Variants in NHEJ1 observed in about 807,000 individuals in gnomAD.
NHEJ1 encodes the protein non-homologous end joining factor 1, also known as non-homologous end-joining factor 1.
Under a neutral mutation model 39.4 loss-of-function variants are expected in NHEJ1, and 22 were observed. That is an observed-to-expected ratio of 0.56 (90% CI 0.40 to 0.80). The LOEUF is 0.80. NHEJ1 is among the 30% of genes least tolerant of loss of function. NHEJ1 has a pLI of 0.00. For synonymous variants in NHEJ1, 154 were observed against 135.6 expected (o/e 1.14, Z -0.94); for missense variants, 329 against 357.1 (o/e 0.92, Z 0.63).
chr2:219,157,989 TCTCACACACACACACACA>T (rs1407678067), intron 2 of NHEJ1, among the ~76,000 whole-genome samples, 179 bp downstream of exon 2: 6 of 119,152 alleles, frequency 5.0e-5, no homozygotes, highest in South Asian at 2.8e-4. Flanking sequence ...TCTCTCTCTC[TCTCACACACACACACACA>T]CACACACACA....
chr2:219,112,672 C>G (rs931945348), intron 5 of NHEJ1, among the ~76,000 whole-genome samples: 1 of 152,160 alleles, frequency 6.6e-6, no homozygotes, highest in East Asian at 1.9e-4. Context: ...AGAAAGGACT[C>G]ATCAATACTA....
intron 5 of NHEJ1, among the ~76,000 whole-genome samples, chr2:219,138,695 A>G (rs1949661561): frequency 6.6e-6 from 1 of 152,216 alleles, no homozygotes; most frequent in African/African-American, 2.4e-5. Context: ...TTATGGCAAT[A>G]TGTTGGAAAC....
chr2:219,078,110 C>G lies in NHEJ1; in HGVS notation c.685G>C (p.Gly229Arg). 1 of 1,614,058 alleles carries G rather than the reference C, an allele frequency of 6.2e-7. No individual in the cohort carries two copies. The highest frequency in any genetic ancestry group is 1.1e-5 in the South Asian group (1 of 91,076). ...TCACCAGCGCCTTGATGCTTCTGTC[C>G]CACTTGGACCTCTTGTGTGGTGACT... ...MAVTTQEVQV[G>R]QKHQGAGDPH... Residue 229 changes from glycine (G) to arginine (R), a missense_variant, in exon 6 of 8, where the codon GGA (glycine) becomes CGA (arginine). Gly to Arg is a moderately radical substitution (Grantham distance 125, BLOSUM62 -2). Transcript: ENST00000356853.
At chr2:219,084,510 C>A (rs1949095070) in intron 5 of NHEJ1, among the ~76,000 whole-genome samples, 3 of 152,198 alleles carry the variant, frequency 2.0e-5, no homozygotes, top group Admixed American at 6.5e-5. Flanking sequence ...ACCACACTAG[C>A]CAACTCCTCG....
At chr2:219,110,722 T>C (rs959987915) in intron 5 of NHEJ1, among the ~76,000 whole-genome samples, 2 of 151,960 alleles carry the variant, frequency 1.3e-5, no homozygotes, top group African/African-American at 4.8e-5. Flanking sequence ...GAATGAATCA[T>C]GCAGATATCT....
chr2:219,074,933 A>G lies in NHEJ1; in HGVS notation c.*1448T>C, dbSNP rs533345655. Among the ~76,000 whole-genome samples, 2 of 150,880 alleles carry G rather than the reference A, an allele frequency of 1.3e-5. No individual in the cohort carries two copies. Among genetic ancestry groups the G allele is most frequent in the Admixed American group, 1.3e-4 (2 of 15,170 alleles). The stretch of plus-strand genomic sequence containing the variant: ...GGAGATCTCAGACTCTGCTAGCAGG[A>G]AAAAGCATGAGGGTAAGTCCTGGAG... On this transcript the variant is annotated 3_prime_UTR_variant, in exon 8 of 8. Transcript: ENST00000356853.
At chr2:219,157,989 T>TCA (rs778678593) in intron 2 of NHEJ1, among the ~76,000 whole-genome samples, 197 bp downstream of exon 2, 4 of 119,152 alleles carry the variant, frequency 3.4e-5, no homozygotes, top group African/African-American at 1.0e-4. Flanking sequence ...TCTCTCTCTC[T>TCA]CTCACACACA....
intron 3 of NHEJ1, among the ~76,000 whole-genome samples, chr2:219,149,615 C>CAAAAT (rs1221595672): frequency 6.6e-5 from 10 of 151,996 alleles, no homozygotes; most frequent in African/African-American, 1.5e-4. Context: ...GATCCTGTCT[C>CAAAAT]AAAATAAAAT....
intron 5 of NHEJ1, among the ~76,000 whole-genome samples, chr2:219,115,791 T>C (rs1318962650): frequency 6.6e-6 from 1 of 152,142 alleles, no homozygotes; most frequent in African/African-American, 2.4e-5. Context: ...AATTATGACA[T>C]ACAGAGACCC....
At chr2:219,080,615 T>TTATATATATGCTAA (rs1309934945) in intron 5 of NHEJ1, among the ~76,000 whole-genome samples, 1 of 89,212 alleles carries the variant, frequency 1.1e-5, no homozygotes, top group Non-Finnish European at 2.5e-5. Context: ...ATATATAAGC[T>TTATATATATGCTAA]TATATATATG....
rs1359435155 is a variant in NHEJ1, at chr2:219,095,340, T to A, written c.589-17134A>T. On this transcript the variant is annotated intron_variant, in intron 5 of 7. Coordinates refer to ENST00000356853, the MANE Select transcript of NHEJ1 (RefSeq NM_024782.3). Reference sequence around the variant, plus strand: ...CAATATGCCGGGTCTCCAGTTTTGATGGGTATATCTTTTAACTGAGAGATG... The same window carrying A: ...CAATATGCCGGGTCTCCAGTTTTGAAGGGTATATCTTTTAACTGAGAGATG... 1.1e-5 allele frequency: 5 copies of A among 471,002 alleles called. No individual in the cohort carries two copies. The East Asian group carries it at 2.8e-4, about 26-fold the overall frequency. The allele number at this position is 471,002 out of a possible 1,614,324, so 29.2% of individuals were successfully genotyped here. A position where few individuals can be genotyped will look rare whatever the true frequency, so the allele number is the denominator to read the frequency against.
At chr2:219,143,803 T>C (rs951987717) in intron 5 of NHEJ1, among the ~76,000 whole-genome samples, 1 of 152,130 alleles carries the variant, frequency 6.6e-6, no homozygotes. Context: ...CCCAACCCCA[T>C]AGTATGAAAA....
At chr2:219,102,847 T>A (rs1042900549) in intron 5 of NHEJ1, 1 of 149,604 alleles carries the variant, frequency 6.7e-6, no homozygotes. Context: ...CTACTAAAAA[T>A]ACAAAAAATT....
Position 219,125,148 on chromosome 2 carries a change from C to A in NHEJ1, c.588+21532G>T, listed in dbSNP as rs78132073. Among the ~76,000 whole-genome samples the A allele has an allele frequency of 3.4e-4, 51 of 149,458 alleles. No homozygotes were observed. In the East Asian group the frequency reaches 8.6e-3, roughly 25 times the overall value. On this transcript the variant is annotated intron_variant, in intron 5 of 7. Transcript: ENST00000356853. The stretch of plus-strand genomic sequence containing the variant: ...TAAAAAAAAAAAAACCTAGAGAGAT[C>A]AAGAACTGATAGACTTAAAAACCCA...
At chr2:219,083,886 T>G (rs866608753) in intron 5 of NHEJ1, among the ~76,000 whole-genome samples, 3 of 152,164 alleles carry the variant, frequency 2.0e-5, no homozygotes, top group African/African-American at 7.2e-5. Context: ...GATTTTTCTA[T>G]TTTACTGATG....
chr2:219,159,513 TTATATA>T (rs34180222), intron 1 of NHEJ1, among the ~76,000 whole-genome samples: 11 of 90,114 alleles, frequency 1.2e-4, no homozygotes, highest in South Asian at 3.7e-4. Flanking sequence ...TGACATAACT[TTATATA>T]TATATGCATA....
chr2:219,091,450 T>C (rs1345173470), intron 5 of NHEJ1, among the ~76,000 whole-genome samples: 2 of 151,714 alleles, frequency 1.3e-5, no homozygotes, highest in Admixed American at 6.6e-5. Context: ...GAGGGTGGGG[T>C]AGGGCATGGG....
In NHEJ1 at chr2:219,077,309, T is replaced by C. The variant is rs2106319497; in HGVS notation, c.762A>G (p.Val254=). The change falls in exon 7 of 8, where the codon GTA becomes GTG. Residue 254 remains valine (V), a synonymous_variant. Coordinates refer to ENST00000356853, the MANE Select transcript of NHEJ1 (RefSeq NM_024782.3). The part of the protein sequence containing the change: ...ASLQGIDSQC[V]NQPEQLVSSA... ...AGGAGACCAGTTGTTCTGGCTGGTT[T>C]ACACATTGGCTATCGATTCCTTGCA... 6.2e-7 allele frequency: 1 copy of C among 1,614,100 alleles called. No homozygotes were observed. The highest frequency in any genetic ancestry group is 8.5e-7 in the Non-Finnish European group (1 of 1,179,980).
At chr2:219,097,422 T>C (rs1949218693) in intron 5 of NHEJ1, among the ~76,000 whole-genome samples, 1 of 152,170 alleles carries the variant, frequency 6.6e-6, no homozygotes, top group African/African-American at 2.4e-5. Context: ...ATGTGGGGTA[T>C]GAGAGAAAGA....
Sources: gnomAD v4.1 joint callset for allele counts (sites outside exome capture counted in the v4.1 genomes callset) on GRCh38, gnomAD v4.1.1 for gene constraint, MANE v1.5 for transcripts, NCBI Gene and HGNC (gene_info 2026-07-23, HGNC 2026-07-21) for gene names.